Variants in STAB2 observed in about 807,000 individuals in gnomAD.
STAB2 encodes the protein stabilin 2.
In STAB2, 288 loss-of-function variants were observed where a neutral mutation model predicts 338.1. The ratio of observed to expected loss-of-function variants is 0.85; its 90% CI spans 0.77 to 0.94. STAB2 has a LOEUF of 0.94. STAB2 is among the 40% of genes least tolerant of loss of function. The probability of loss-of-function intolerance (pLI) is 0.00; values close to 1 mark genes in which losing one functional copy is unlikely to be tolerated. For missense variants in STAB2, 3,141 were observed against 3,210.1 expected, an observed-to-expected ratio of 0.98 and a Z score of 0.52; for synonymous variants, 1,202 against 1,193.3, an observed-to-expected ratio of 1.01 and a Z score of -0.15.
intron 13 of STAB2, 90 bp from the exon 14 acceptor site, chr12:103,655,161 C>A: frequency 8.2e-7 from 1 of 1,219,382 alleles, no homozygotes; most frequent in Non-Finnish European, 1.2e-6. Flanking sequence ...GACACATAAA[C>A]TCTGTCATCA....
At chr12:103,682,795 A>C (rs1593229234) in intron 25 of STAB2, among the ~76,000 whole-genome samples, 1 of 152,166 alleles carries the variant, frequency 6.6e-6, no homozygotes, top group East Asian at 1.9e-4. Context: ...TAAAAATACA[A>C]AAATTAGCCA....
intron 53 of STAB2, among the ~76,000 whole-genome samples, 196 bp from the exon 54 acceptor site, chr12:103,739,216 A>G (rs1408459587): frequency 6.6e-6 from 1 of 151,330 alleles, no homozygotes; most frequent in Non-Finnish European, 1.5e-5. Context: ...GCCTCAAGCA[A>G]TCTTTCTGCC....
chr12:103,714,145 C>T (rs1880110519), intron 42 of STAB2, among the ~76,000 whole-genome samples: 1 of 152,236 alleles, frequency 6.6e-6, no homozygotes, highest in African/African-American at 2.4e-5. Flanking sequence ...TTTTGCTATG[C>T]CTACATGTAT....
chr12:103,735,674 T>C, intron 52 of STAB2, 94 bp downstream of exon 52: 15 of 1,089,250 alleles, frequency 1.4e-5, no homozygotes, highest in Non-Finnish European at 1.9e-5. Flanking sequence ...ATGTTCATTT[T>C]TTCCCCTCCA....
intron 21 of STAB2, among the ~76,000 whole-genome samples, chr12:103,670,437 T>TA (rs1875653837): frequency 6.6e-6 from 1 of 152,172 alleles, no homozygotes; most frequent in Non-Finnish European, 1.5e-5. Flanking sequence ...CCTTAAGCAT[T>TA]GTTGAAAGGT....
At chr12:103,587,680 G>GT in intron 1 of STAB2, 123 bp downstream of exon 1, 1 of 786,474 alleles carries the variant, frequency 1.3e-6, no homozygotes, top group Non-Finnish European at 2.0e-6. Context: ...TACAGAGAAT[G>GT]TTTTTGGAGA....
chr12:103,664,106 T>C (rs993561169), intron 18 of STAB2, among the ~76,000 whole-genome samples: 4 of 149,870 alleles, frequency 2.7e-5, no homozygotes, highest in Non-Finnish European at 5.9e-5. Flanking sequence ...ACTTTTTGGC[T>C]CAGCCAGTTT....
chr12:103,693,227 G>T (rs1264549894), intron 31 of STAB2, among the ~76,000 whole-genome samples: 2 of 152,122 alleles, frequency 1.3e-5, no homozygotes, highest in Non-Finnish European at 2.9e-5. Flanking sequence ...TCTGAGGTAG[G>T]AGGATTGCTT....
intron 34 of STAB2, among the ~76,000 whole-genome samples, chr12:103,701,140 G>T (rs1479022433): frequency 6.6e-6 from 1 of 151,488 alleles, no homozygotes; most frequent in Non-Finnish European, 1.5e-5. Context: ...TACTGACAAT[G>T]ATGATTTCCA....
chr12:103,651,897 T>C (rs897725096), intron 11 of STAB2, among the ~76,000 whole-genome samples: 8 of 152,240 alleles, frequency 5.3e-5, no homozygotes, highest in African/African-American at 1.9e-4. Context: ...ACGATTAACC[T>C]GTCTGATATT....
Position 103,742,574 on chromosome 12 carries a change from C to T in STAB2, c.6031+20C>T, listed in dbSNP as rs185353170. ...GTCTGCGTATGTGGCGCCGCTTCTC[C>T]GTGCTAGAGCTTGTTTTTTGACTGT... On this transcript the variant is annotated intron_variant, in intron 56 of 68. Coordinates refer to ENST00000388887, the MANE Select transcript of STAB2 (RefSeq NM_017564.10). 2.4e-4 allele frequency: 391 copies of T among 1,613,778 alleles called. 1 individual carries two copies. The African/African-American group carries it at 4.2e-3, about 17-fold the overall frequency.
At chr12:103,595,573 T>G (rs1431184810) in intron 3 of STAB2, among the ~76,000 whole-genome samples, 1 of 152,252 alleles carries the variant, frequency 6.6e-6, no homozygotes, top group Non-Finnish European at 1.5e-5. Flanking sequence ...ATTTGTGTTT[T>G]TAACTAACGA....
At chr12:103,701,607 C>T (rs552135644) in intron 34 of STAB2, among the ~76,000 whole-genome samples, 2 of 152,292 alleles carry the variant, frequency 1.3e-5, no homozygotes, top group African/African-American at 4.8e-5. Context: ...GCCAAATCAA[C>T]AGTATTACAA....
chr12:103,741,525 C>T (rs1296531648), intron 55 of STAB2, among the ~76,000 whole-genome samples: 5 of 152,222 alleles, frequency 3.3e-5, no homozygotes, highest in Non-Finnish European at 7.3e-5. Flanking sequence ...AGGACCACAG[C>T]TCACTACAGT....
At chr12:103,756,648 G>A (rs1884123494) in intron 63 of STAB2, among the ~76,000 whole-genome samples, 1 of 152,112 alleles carries the variant, frequency 6.6e-6, no homozygotes, top group African/African-American at 2.4e-5. Context: ...TCATGCTTTC[G>A]AGTACGGAAC....
At chr12:103,749,986 GA>G (rs1306585468) in intron 59 of STAB2, among the ~76,000 whole-genome samples, 2 of 151,966 alleles carry the variant, frequency 1.3e-5, no homozygotes, top group Non-Finnish European at 2.9e-5. Context: ...CTCCTGGACT[GA>G]CAAGCTGTGT....
intron 52 of STAB2, 60 bp from the exon 53 acceptor site, chr12:103,737,574 T>TCTC: frequency 3.9e-6 from 4 of 1,015,896 alleles, no homozygotes; most frequent in Non-Finnish European, 5.4e-6. Flanking sequence ...GATTGACTGT[T>TCTC]TCTCTCTCTC....
Position 103,590,946 on chromosome 12 carries a change from G to C in STAB2, c.131G>C (p.Arg44Pro), listed in dbSNP as rs367567971. The C allele has an allele frequency of 1.9e-6, 3 of 1,613,876 alleles. No homozygotes were observed. The highest frequency in any genetic ancestry group is 2.5e-6 in the Non-Finnish European group (3 of 1,179,970). The change falls in exon 2 of 69, where the codon CGA becomes CCA. Residue 44 changes from arginine to proline, a missense_variant. By Grantham distance (103) the Arg-to-Pro change is moderately radical. Transcript: ENST00000388887. The stretch of plus-strand genomic sequence containing the variant: ...CTTCTTACAATTAGGACCGAGTGCC[G>C]ATCCTGCGCTCTCAACCTTGGAGTC... The part of the protein sequence containing the change: ...KSLLTIRTEC[R>P]SCALNLGVKC...
At chr12:103,752,640 C>T (rs954093807) in intron 60 of STAB2, among the ~76,000 whole-genome samples, 1 of 152,112 alleles carries the variant, frequency 6.6e-6, no homozygotes, top group Admixed American at 6.6e-5. Flanking sequence ...CAGAAACTCA[C>T]TTTAATGTGT....
Sources: gnomAD v4.1 joint callset for allele counts (sites outside exome capture counted in the v4.1 genomes callset) on GRCh38, gnomAD v4.1.1 for gene constraint, MANE v1.5 for transcripts, NCBI Gene and HGNC (gene_info 2026-07-23, HGNC 2026-07-21) for gene names.